Variants in FRAS1 observed in about 807,000 individuals in gnomAD.
The protein encoded by FRAS1 is Fraser extracellular matrix complex subunit 1, also known as extracellular matrix organizing protein FRAS1.
A neutral mutation model predicts 435.2 loss-of-function variants in FRAS1; 290 were observed. The ratio of observed to expected loss-of-function variants is 0.67; its 90% CI spans 0.61 to 0.73. The LOEUF is 0.73. Ranked by LOEUF, FRAS1 falls within the 30% of genes least tolerant of loss-of-function variation. The pLI, the probability that FRAS1 is intolerant of heterozygous loss-of-function variation, is 0.00. For missense variants in FRAS1, 4,860 were observed against 5,001.5 expected (o/e 0.97, Z 0.85); for synonymous variants, 1,800 against 1,851.0 (o/e 0.97, Z 0.71).
chr4:78,479,310 A>G, intron 55 of FRAS1, 64 bp from the exon 56 acceptor site: 3 of 1,137,012 alleles, frequency 2.6e-6, no homozygotes, highest in South Asian at 2.0e-5. Flanking sequence ...TTAACTTACC[A>G]GAGGTTTTAA....
At chr4:78,272,055 C>T (rs1025003180) in intron 9 of FRAS1, among the ~76,000 whole-genome samples, 59 of 152,370 alleles carry the variant, frequency 3.9e-4, no homozygotes, top group African/African-American at 1.3e-3. Flanking sequence ...TTGCATTTCT[C>T]TGATGACCAG....
chr4:78,485,629 G>A (rs931607), intron 58 of FRAS1, among the ~76,000 whole-genome samples: 112,592 of 152,080 alleles, frequency 0.74, 43,009 homozygotes, highest in East Asian at 1. Context: ...TCCATTCAGT[G>A]TGAACATTCT....
At chr4:78,518,426 A>ATATATATATATATATG (rs1187362300) in intron 66 of FRAS1, among the ~76,000 whole-genome samples, 11 of 22,568 alleles carry the variant, frequency 4.9e-4, no homozygotes, top group African/African-American at 7.9e-4. Flanking sequence ...TGTTGTGTAT[A>ATATATATATATATATG]TATATATATA....
intron 2 of FRAS1, among the ~76,000 whole-genome samples, chr4:78,186,247 C>T (rs1215721574): frequency 6.6e-6 from 1 of 151,868 alleles, no homozygotes. Flanking sequence ...AGATCTTGCT[C>T]ATACTTTTTT....
intron 15 of FRAS1, among the ~76,000 whole-genome samples, chr4:78,313,836 G>A (rs1164842178): frequency 6.6e-6 from 1 of 152,122 alleles, no homozygotes; most frequent in African/African-American, 2.4e-5. Context: ...TTCTCAGCCT[G>A]AGTCCTTTAA....
chr4:78,145,860 A>G (rs111232740), intron 2 of FRAS1, among the ~76,000 whole-genome samples: 90 of 152,262 alleles, frequency 5.9e-4, no homozygotes, highest in African/African-American at 2.1e-3. Flanking sequence ...TTGTGATAGT[A>G]AGTGAGTTCT....
chr4:78,228,834 T>C (rs1724386942), intron 2 of FRAS1, among the ~76,000 whole-genome samples: 1 of 152,208 alleles, frequency 6.6e-6, no homozygotes, highest in African/African-American at 2.4e-5. Flanking sequence ...GTCACTGTGG[T>C]AATACAAGTA....
Position 78,454,016 on chromosome 4 carries a change from G to A in FRAS1, c.6763+1662G>A, listed in dbSNP as rs576259361. 4.6e-5 allele frequency among the ~76,000 whole-genome samples: 7 copies of A among 152,174 alleles called. No homozygotes were observed. In the East Asian group the frequency reaches 1.2e-3, roughly 25 times the overall value. On this transcript the variant is annotated intron_variant, in intron 47 of 73. Transcript: ENST00000512123. ...ATTCCAACAACAAGCAAGCAAGCAC[G>A]TATATGCTGTGTCAGATGGTGATGA...
At chr4:78,396,425 G>A (rs1732666310) in intron 29 of FRAS1, among the ~76,000 whole-genome samples, 1 of 152,160 alleles carries the variant, frequency 6.6e-6, no homozygotes. Context: ...GGACTTTAGT[G>A]GTAACAAACT....
chr4:78,534,580 T>G lies in FRAS1; in HGVS notation c.11057T>G (p.Leu3686Arg), dbSNP rs1051217906. ...LMDPNTSDMS[L>R]AEMDYKGAFS... ...GATCCCAATACATCTGATATGTCAC[T>G]AGCAGAAATGGATTACAAAGGAGCC... Residue 3686 changes from leucine (L) to arginine (R), a missense_variant, in exon 71 of 74, where the codon CTA becomes CGA. Transcript: ENST00000512123. The G allele has an allele frequency of 1.9e-6, 3 of 1,613,318 alleles. No homozygotes were observed. The highest frequency in any genetic ancestry group is 2.5e-6 in the Non-Finnish European group (3 of 1,179,476).
chr4:78,496,918 A>G lies in FRAS1; in HGVS notation c.9072A>G (p.Gly3024=), dbSNP rs1178376643. Residue 3024 remains glycine (G), a synonymous_variant, in exon 60 of 74, where the codon GGA becomes GGG. Coordinates refer to ENST00000512123, the MANE Select transcript of FRAS1 (RefSeq NM_025074.7). ...ACCACTGGAGTGGAGCTAGAATTGG[A>G]AAGAATAACATGGCCACCATCACCA... ...LGNHWSGARI[G]KNNMATITIS... 3 of 1,613,740 alleles carry G rather than the reference A, an allele frequency of 1.9e-6. No individual in the cohort carries two copies. The highest frequency in any genetic ancestry group is 3.3e-5 in the Admixed American group (2 of 60,006).
intron 2 of FRAS1, among the ~76,000 whole-genome samples, chr4:78,156,358 A>G (rs1428069014): frequency 6.6e-6 from 1 of 150,596 alleles, no homozygotes; most frequent in Non-Finnish European, 1.5e-5. Flanking sequence ...TATCTCTTTG[A>G]CAGGATCTAT....
chr4:78,251,090 A>C (rs1042497374), intron 4 of FRAS1, among the ~76,000 whole-genome samples: 1 of 152,056 alleles, frequency 6.6e-6, no homozygotes, highest in African/African-American at 2.4e-5. Context: ...AAATCCTATC[A>C]ATTTTCTTTT....
chr4:78,300,801 C>T (rs1360877596), intron 14 of FRAS1, among the ~76,000 whole-genome samples: 1 of 152,090 alleles, frequency 6.6e-6, no homozygotes. Context: ...ACTCCAGCCA[C>T]AGGGGCAGCC....
At chr4:78,100,500 C>A (rs1010651578) in intron 2 of FRAS1, among the ~76,000 whole-genome samples, 7 of 152,222 alleles carry the variant, frequency 4.6e-5, no homozygotes, top group Non-Finnish European at 8.8e-5. Context: ...TCAGAGTGAG[C>A]TCTTTTGCTT....
At chr4:78,384,907 C>T (rs866776628) in intron 28 of FRAS1, among the ~76,000 whole-genome samples, 6 of 101,770 alleles carry the variant, frequency 5.9e-5, no homozygotes, top group African/African-American at 2.1e-4. Flanking sequence ...GACCCTGTCT[C>T]AAAAAAAAAA....
At chr4:78,395,361 C>T (rs1177076145) in intron 29 of FRAS1, among the ~76,000 whole-genome samples, 5 of 151,904 alleles carry the variant, frequency 3.3e-5, no homozygotes, top group Non-Finnish European at 5.9e-5. Context: ...ATTCTATATA[C>T]GTCTGTTATG....
chr4:78,518,684 A>T (rs974675896), intron 66 of FRAS1, among the ~76,000 whole-genome samples: 35 of 152,132 alleles, frequency 2.3e-4, no homozygotes, highest in Admixed American at 2.6e-4. Context: ...TGGAAATGTG[A>T]TATGCTGCCT....
chr4:78,420,026 A>G (rs1446343118), intron 33 of FRAS1, among the ~76,000 whole-genome samples: 6 of 150,622 alleles, frequency 4.0e-5, no homozygotes, highest in Admixed American at 2.6e-4. Flanking sequence ...ACAATTGAAC[A>G]TGAGATTTGG....
Sources: allele counts gnomAD v4.1 joint callset (sites outside exome capture counted in the v4.1 genomes callset), GRCh38; gene constraint gnomAD v4.1.1; transcripts MANE v1.5; gene names NCBI Gene and HGNC (gene_info 2026-07-23, HGNC 2026-07-21).